Variants in MTSS1 observed in about 807,000 individuals in gnomAD.
MTSS1 encodes the protein protein MTSS 1.
A neutral mutation model predicts 79.0 loss-of-function variants in MTSS1; 18 were observed. The ratio of observed to expected loss-of-function variants is 0.23; its 90% CI spans 0.16 to 0.34. MTSS1 has a LOEUF of 0.34. Ranked by LOEUF, MTSS1 falls within the 10% of genes least tolerant of loss-of-function variation. The pLI is 1.00. For missense variants in MTSS1, 815 were observed against 986.2 expected (o/e 0.83, Z 2.33); for synonymous variants, 341 against 368.6 (o/e 0.93, Z 0.86).
At chr8:124,659,949 C>A (rs962217951) in intron 3 of MTSS1, among the ~76,000 whole-genome samples, 1 of 152,212 alleles carries the variant, frequency 6.6e-6, no homozygotes, top group African/African-American at 2.4e-5. Context: ...CTCTCTCTTA[C>A]TCCTAAAACC....
At chr8:124,710,285 G>T (rs1000588278) in intron 1 of MTSS1, among the ~76,000 whole-genome samples, 2 of 152,252 alleles carry the variant, frequency 1.3e-5, no homozygotes, top group African/African-American at 4.8e-5. Flanking sequence ...GACCAGACAG[G>T]TGATGGGAGA....
intron 1 of MTSS1, among the ~76,000 whole-genome samples, chr8:124,717,296 AG>A (rs1832184979): frequency 6.6e-6 from 1 of 152,098 alleles, no homozygotes; most frequent in African/African-American, 2.4e-5. Flanking sequence ...GTTCGAGACC[AG>A]CCTGGCCAAC....
intron 3 of MTSS1, among the ~76,000 whole-genome samples, chr8:124,660,378 C>T (rs925504982): frequency 6.6e-6 from 1 of 150,992 alleles, no homozygotes; most frequent in African/African-American, 2.4e-5. Context: ...ACGAATGGCA[C>T]TAGTTTATAA....
At chr8:124,561,667 C>A (rs777167055) in intron 10 of MTSS1, among the ~76,000 whole-genome samples, 2 of 152,124 alleles carry the variant, frequency 1.3e-5, no homozygotes, top group Non-Finnish European at 2.9e-5. Flanking sequence ...AACACACACA[C>A]ACAATTATGC....
chr8:124,659,572 G>A (rs1821620992), intron 3 of MTSS1, among the ~76,000 whole-genome samples: 1 of 152,142 alleles, frequency 6.6e-6, no homozygotes. Flanking sequence ...ATTATGATTT[G>A]GCTCCTACTG....
In MTSS1 at chr8:124,691,474, A is replaced by G. The variant is rs139278568; in HGVS notation, c.208+8052T>C. 3.3e-5 allele frequency among the ~76,000 whole-genome samples: 5 copies of G among 152,350 alleles called. No homozygotes were observed. The East Asian group carries it at 9.6e-4, about 29-fold the overall frequency. ...TGGATACACATACGTACATACATGT[A>G]CACAAACACATACACATATATACAG... is the stretch of plus-strand genomic sequence containing the variant. On this transcript the variant is annotated intron_variant, in intron 3 of 13. Transcript: ENST00000518547.
rs143314755 is a variant in MTSS1, at chr8:124,658,197, C to A, written c.208+41329G>T. 1.9e-4 allele frequency among the ~76,000 whole-genome samples: 29 copies of A among 152,308 alleles called. 1 individual carries two copies. In the East Asian group the frequency reaches 4.1e-3, roughly 21 times the overall value. ...GCCCAAATCTCATCTTGAATTGTAG[C>A]TCTCATAATTCCCATGTATTGTGGG... On this transcript the variant is annotated intron_variant, in intron 3 of 13. Transcript: ENST00000518547.
Position 124,704,226 on chromosome 8 carries a change from G to A in MTSS1, c.73-35C>T, listed in dbSNP as rs1167804761. ...ATCAAAGACATCAGTAAGTCACACT[G>A]CGATAGACATCTGATTACTACATTA... On this transcript the variant is annotated intron_variant, in intron 1 of 13. Transcript: ENST00000518547. 7.0e-6 allele frequency: 11 copies of A among 1,566,416 alleles called. No homozygotes were observed. The Admixed American group carries it at 1.8e-4, about 26-fold the overall frequency.
chr8:124,599,730 C>A (rs954634799), intron 3 of MTSS1, among the ~76,000 whole-genome samples: 14 of 152,062 alleles, frequency 9.2e-5, no homozygotes, highest in Admixed American at 2.6e-4. Context: ...GGTCTTGGGG[C>A]TCCTTGGCAG....
chr8:124,604,127 C>T (rs1348844382), intron 3 of MTSS1, among the ~76,000 whole-genome samples: 1 of 152,078 alleles, frequency 6.6e-6, no homozygotes, highest in South Asian at 2.1e-4. Context: ...GCAGGAAAAT[C>T]GCTTGGACCC....
chr8:124,679,801 G>GGTCTAGGA (rs1825848736), intron 3 of MTSS1, among the ~76,000 whole-genome samples: 1 of 152,146 alleles, frequency 6.6e-6, no homozygotes, highest in Admixed American at 6.5e-5. Context: ...TTTGCAACAA[G>GGTCTAGGA]GTCTAGGAGA....
At chr8:124,619,741 G>A (rs945864842) in intron 3 of MTSS1, among the ~76,000 whole-genome samples, 1 of 152,000 alleles carries the variant, frequency 6.6e-6, no homozygotes, top group African/African-American at 2.4e-5. Flanking sequence ...TCAGACTCCT[G>A]GCACCAGAAG....
At chr8:124,702,299 A>C (rs142975294) in intron 2 of MTSS1, among the ~76,000 whole-genome samples, 1 of 152,230 alleles carries the variant, frequency 6.6e-6, no homozygotes, top group Non-Finnish European at 1.5e-5. Context: ...TAATCATGGC[A>C]GACATGGAGG....
rs367829966 is a variant in MTSS1 at position 124,600,406 on chromosome 8, T to C, written c.209-9171A>G. ...TATGTGCAACTGGCATTTACAGGTT[T>C]ATAAGCGCACACAGCGGATGCTGGT... On this transcript the variant is annotated intron_variant, in intron 3 of 13. Coordinates refer to ENST00000518547, the MANE Select transcript of MTSS1 (RefSeq NM_014751.6). 7.2e-5 allele frequency among the ~76,000 whole-genome samples: 11 copies of C among 152,384 alleles called. No homozygotes were observed. In the East Asian group the frequency reaches 1.5e-3, roughly 21 times the overall value.
chr8:124,724,843 C>A (rs914357459), intron 1 of MTSS1, among the ~76,000 whole-genome samples: 1 of 152,196 alleles, frequency 6.6e-6, no homozygotes, highest in African/African-American at 2.4e-5. Context: ...GTCTACACAT[C>A]GGAAGGCAGT....
rs1383579244 is a variant in MTSS1, at chr8:124,552,409, C to T, written c.*583G>A. 1 of 154,106 alleles carries T rather than the reference C, an allele frequency of 6.5e-6. No individual in the cohort carries two copies. Among genetic ancestry groups the T allele is most frequent in the African/African-American group, 2.4e-5 (1 of 41,450 alleles). The allele number at this position is 154,106 out of a possible 1,614,324, so 9.5% of individuals were successfully genotyped here. ...CCCATGGCCCTCCCCCCAATCCCAA[C>T]ACAGTCTACCATTTCCAGATTTACT... On this transcript the variant is annotated 3_prime_UTR_variant, in exon 14 of 14. Transcript: ENST00000518547.
rs1376592198 is a variant in MTSS1 at position 124,553,098 on chromosome 8, C to G, written c.2162G>C (p.Ser721Thr). 5.0e-6 allele frequency: 8 copies of G among 1,613,998 alleles called. No homozygotes were observed. The African/African-American group carries it at 1.1e-4, about 22-fold the overall frequency. Reference protein sequence around the residue: ...QIPESDPADLSPRDTPQGEDM... With the variant: ...QIPESDPADLTPRDTPQGEDM... ...TTCTCCTTGTGGAGTATCCCTTGGGCTCAGGTCTGCAGGGTCACTCTCTGG... is the reference window on the plus strand; with the variant it reads ...TTCTCCTTGTGGAGTATCCCTTGGGGTCAGGTCTGCAGGGTCACTCTCTGG... The change falls in exon 14 of 14, where the codon AGC becomes ACC. Residue 721 changes from serine (S) to threonine (T), a missense_variant. Around this residue, in one of 2 missense-constraint regions of MTSS1, gnomAD observed 590 missense variants for 620.8 expected, o/e 0.95. Coordinates refer to ENST00000518547, the MANE Select transcript of MTSS1 (RefSeq NM_014751.6). The surrounding 1 kb of genome is among the most constrained non-coding windows in gnomAD (Gnocchi z 6.0).
chr8:124,671,085 C>T (rs983905979), intron 3 of MTSS1, among the ~76,000 whole-genome samples: 2 of 151,828 alleles, frequency 1.3e-5, no homozygotes, highest in East Asian at 1.9e-4. Context: ...ATGCCAATGC[C>T]AATAAGCTCA....
intron 1 of MTSS1, among the ~76,000 whole-genome samples, chr8:124,712,918 C>T (rs994266506): frequency 2.0e-5 from 3 of 152,176 alleles, no homozygotes; most frequent in Non-Finnish European, 4.4e-5. Flanking sequence ...CCTCCTCCCG[C>T]ATTACTAGGT....
Sources: allele counts gnomAD v4.1 joint callset (sites outside exome capture counted in the v4.1 genomes callset), GRCh38; gene constraint gnomAD v4.1.1; regional missense constraint gnomAD v4.1.1; non-coding constraint Gnocchi (gnomAD v3.1); transcripts MANE v1.5; gene names NCBI Gene and HGNC (gene_info 2026-07-23, HGNC 2026-07-21).